The following FMR1NB variants were observed in gnomAD, a reference collection of about 807,000 sequenced individuals.
FMR1NB encodes FMR1 neighbor, also known as FMR1 neighbor protein.
In FMR1NB, 10 loss-of-function variants were observed where a neutral mutation model predicts 16.8. That is an observed-to-expected ratio of 0.60 (90% confidence interval 0.37 to 1.01). The LOEUF (loss-of-function observed/expected upper bound fraction) is 1.01, where lower values mean the gene tolerates loss of function less well. Among genes scored for constraint, FMR1NB ranks in the 50% least tolerant of loss-of-function variants. The probability of loss-of-function intolerance (pLI) is 0.01; values close to 1 mark genes in which losing one functional copy is unlikely to be tolerated. For missense variants in FMR1NB, 205 were observed against 204.8 expected (o/e 1.00, Z 0.00); for synonymous variants, 83 against 79.1 (o/e 1.05, Z -0.26).
intron 1 of FMR1NB, among the ~76,000 whole-genome samples, chrX:147,996,667 C>G (rs1557188183): frequency 9.0e-6 from 1 of 111,394 alleles, no homozygotes; most frequent in Admixed American, 9.6e-5. Context: ...TTCAAAATGG[C>G]GATAGCAAAA....
intron 1 of FMR1NB, among the ~76,000 whole-genome samples, chrX:147,997,301 C>T (rs1179096378): frequency 8.9e-6 from 1 of 111,740 alleles, no homozygotes; most frequent in African/African-American, 3.3e-5. Flanking sequence ...AGAAATAATG[C>T]CACACATCTA....
At chrX:148,024,664 G>T (rs2044694629) in intron 4 of FMR1NB, among the ~76,000 whole-genome samples, 1 of 111,838 alleles carries the variant, frequency 8.9e-6, no homozygotes, top group African/African-American at 3.2e-5. Context: ...ACTGTATAGA[G>T]AATAATAATG....
intron 1 of FMR1NB, among the ~76,000 whole-genome samples, chrX:147,991,106 T>A (rs1006906517): frequency 9.0e-6 from 1 of 110,953 alleles, no homozygotes; most frequent in Non-Finnish European, 1.9e-5. Flanking sequence ...TTCTTTTATC[T>A]CTCTCTAAAG....
chrX:148,003,212 T>A lies in FMR1NB; in HGVS notation c.289T>A (p.Phe97Ile). The change falls in exon 2 of 6, where the codon TTT becomes ATT. Residue 97 changes from phenylalanine to isoleucine, a missense_variant. Coordinates refer to ENST00000370467, the MANE Select transcript of FMR1NB (RefSeq NM_152578.3). Reference protein sequence around the residue: ...SYYLCSGSSYFVLANGHILPN... With the variant: ...SYYLCSGSSYIVLANGHILPN... ...TACTTCTTCTTAAGGGTCCTCATAT[T>A]TTGTGCTTGCAAATGGACATATCCT... The A allele has an allele frequency of 8.3e-7, 1 of 1,209,241 alleles. No individual in the cohort carries two copies. The highest frequency in any genetic ancestry group is 1.7e-5 in the African/African-American group (1 of 57,827).
chrX:148,021,236 TTC>T (rs1360297470), intron 4 of FMR1NB, among the ~76,000 whole-genome samples: 18 of 111,604 alleles, frequency 1.6e-4, no homozygotes, highest in African/African-American at 5.5e-4. Flanking sequence ...AGTGCACAGA[TTC>T]TCTTTCTGTG....
intron 1 of FMR1NB, among the ~76,000 whole-genome samples, chrX:147,982,898 A>C (rs1195691697): frequency 8.9e-6 from 1 of 112,373 alleles, no homozygotes; most frequent in Non-Finnish European, 1.9e-5. Flanking sequence ...CATCTCAAAA[A>C]AATGAAAAAA....
chrX:147,997,618 T>G (rs2044548566), intron 1 of FMR1NB, among the ~76,000 whole-genome samples: 1 of 111,779 alleles, frequency 8.9e-6, no homozygotes, highest in South Asian at 3.7e-4. Context: ...GGGATCTAAT[T>G]AAACTAAAGA....
At chrX:148,017,528 C>CT (rs1378187704) in intron 4 of FMR1NB, among the ~76,000 whole-genome samples, 1 of 107,351 alleles carries the variant, frequency 9.3e-6, no homozygotes, top group Non-Finnish European at 1.9e-5. Context: ...AGACTATTTT[C>CT]TTTTTTTTTC....
rs782816621 is a variant in FMR1NB at position 148,011,195 on chromosome X, C to T, written c.632+2484C>T. Among the ~76,000 whole-genome samples, 4 of 110,204 alleles carry T rather than the reference C, an allele frequency of 3.6e-5. No individual in the cohort carries two copies. The South Asian group carries it at 1.2e-3, about 33-fold the overall frequency. ...AGGAGAATCGCTTGAACCCGGGAGG[C>T]GGCAGTTACAGTGAGCCGAGATCGC... On this transcript the variant is annotated intron_variant, in intron 4 of 5. Transcript: ENST00000370467.
chrX:148,009,055 C>T (rs991710105), intron 4 of FMR1NB, among the ~76,000 whole-genome samples: 1 of 110,055 alleles, frequency 9.1e-6, no homozygotes, highest in South Asian at 3.9e-4. Flanking sequence ...TGGTGGTGCA[C>T]GCCTGTAATC....
chrX:147,986,888 C>T (rs1557187136), intron 1 of FMR1NB, among the ~76,000 whole-genome samples: 2 of 111,303 alleles, frequency 1.8e-5, no homozygotes, highest in African/African-American at 3.3e-5. Context: ...GGAATAGCAA[C>T]GAGTCTATAA....
rs371825356 is a variant in FMR1NB, at chrX:147,981,512, A to G, written c.110A>G (p.Asn37Ser). Reference protein sequence around the residue: ...ATYELAATESNPESSHPGYEA... With the variant: ...ATYELAATESSPESSHPGYEA... ...TATGAGTTGGCGGCAACTGAGTCGA[A>G]TCCCGAGAGCAGCCATCCTGGATAC... Residue 37 changes from asparagine to serine, a missense_variant, in exon 1 of 6, where the codon AAT becomes AGT. Coordinates refer to ENST00000370467, the MANE Select transcript of FMR1NB (RefSeq NM_152578.3). 1 of 1,211,841 alleles carries G rather than the reference A, an allele frequency of 8.3e-7. No homozygotes were observed. Among genetic ancestry groups the G allele is most frequent in the Admixed American group, 2.2e-5 (1 of 46,083 alleles).
chrX:147,993,298 C>T (rs918221592), intron 1 of FMR1NB, among the ~76,000 whole-genome samples: 2 of 111,457 alleles, frequency 1.8e-5, no homozygotes, highest in Non-Finnish European at 3.8e-5. Flanking sequence ...CGCAGGCATT[C>T]GGCAGACTGA....
At chrX:147,993,370 C>T (rs868924345) in intron 1 of FMR1NB, among the ~76,000 whole-genome samples, 2 of 108,333 alleles carry the variant, frequency 1.8e-5, no homozygotes, top group South Asian at 3.9e-4. Flanking sequence ...AGTCCAGCTT[C>T]GGTTCCGCAT....
At chrX:147,988,441 T>C (rs1467924504) in intron 1 of FMR1NB, among the ~76,000 whole-genome samples, 1 of 111,740 alleles carries the variant, frequency 8.9e-6, no homozygotes, top group Non-Finnish European at 1.9e-5. Flanking sequence ...GCTCTTAACA[T>C]TTTTTCCTTC....
At chrX:147,989,189 G>A (rs1352729371) in intron 1 of FMR1NB, among the ~76,000 whole-genome samples, 1 of 111,793 alleles carries the variant, frequency 8.9e-6, no homozygotes, top group Non-Finnish European at 1.9e-5. Context: ...TTTCTGTGTG[G>A]GGGTTCTTTT....
At chrX:148,003,420 G>C in intron 2 of FMR1NB, 100 bp downstream of exon 2, 1 of 940,715 alleles carries the variant, frequency 1.1e-6, no homozygotes. Context: ...ACTGGAGTGG[G>C]ACAGAGCTGA....
intron 1 of FMR1NB, among the ~76,000 whole-genome samples, chrX:147,990,926 G>A (rs782016654): frequency 1.8e-5 from 2 of 109,767 alleles, no homozygotes; most frequent in African/African-American, 3.3e-5. Flanking sequence ...CTCTCTTAAA[G>A]CTTTTCCACC....
At chrX:147,987,724 T>C (rs1044085385) in intron 1 of FMR1NB, among the ~76,000 whole-genome samples, 13 of 112,060 alleles carry the variant, frequency 1.2e-4, no homozygotes, top group African/African-American at 3.6e-4. Flanking sequence ...GCTCCTGTAT[T>C]GGGTGCATAT....
Sources: allele counts gnomAD v4.1 joint callset (sites outside exome capture counted in the v4.1 genomes callset), GRCh38; gene constraint gnomAD v4.1.1; transcripts MANE v1.5; gene names NCBI Gene and HGNC (gene_info 2026-07-23, HGNC 2026-07-21).